The following ARHGAP19 variants were observed in gnomAD, a reference collection of about 807,000 sequenced individuals.
ARHGAP19 encodes the protein rho GTPase-activating protein 19.
ARHGAP19 carries 48 observed loss-of-function variants against 60.9 expected under a neutral mutation model. That is an observed-to-expected ratio of 0.79 (90% CI 0.62 to 1.00). ARHGAP19 has a LOEUF of 1.00. Ranked by LOEUF, ARHGAP19 falls within the 50% of genes least tolerant of loss-of-function variation. The probability of loss-of-function intolerance (pLI) is 0.00; values close to 1 mark genes in which losing one functional copy is unlikely to be tolerated. For missense variants in ARHGAP19, 562 were observed against 597.2 expected (o/e 0.94, Z 0.61); for synonymous variants, 209 against 215.5 (o/e 0.97, Z 0.27).
Position 97,264,707 on chromosome 10 carries a change from C to T in ARHGAP19, c.403+119G>A, listed in dbSNP as rs1442269486. On this transcript the variant is annotated intron_variant, in intron 3 of 11. Coordinates refer to ENST00000358531, the MANE Select transcript of ARHGAP19 (RefSeq NM_032900.6). ...TTAAAAACATGCCACCCAAAATTAACACTGGTTAGTTCCTTTGTTGATGGT... is the reference window on the plus strand; with the variant it reads ...TTAAAAACATGCCACCCAAAATTAATACTGGTTAGTTCCTTTGTTGATGGT... The T allele has an allele frequency of 9.4e-6, 6 of 640,354 alleles. 1 individual carries two copies. The East Asian group carries it at 1.7e-4, about 18-fold the overall frequency. The allele number at this position is 640,354 out of a possible 1,614,324, so 39.7% of individuals were successfully genotyped here. A position where few individuals can be genotyped will look rare whatever the true frequency, so the allele number is the denominator to read the frequency against.
At chr10:97,284,115 AT>A (rs926549918) in intron 1 of ARHGAP19, among the ~76,000 whole-genome samples, 1 of 151,172 alleles carries the variant, frequency 6.6e-6, no homozygotes, top group African/African-American at 2.4e-5. Flanking sequence ...TCTTATTTTT[AT>A]TTGTATTTTT....
chr10:97,252,410 C>T (rs1842696426), intron 6 of ARHGAP19, among the ~76,000 whole-genome samples: 1 of 151,258 alleles, frequency 6.6e-6, no homozygotes, highest in African/African-American at 2.4e-5. Context: ...ATCATGAGGT[C>T]AGGAGATCGA....
At chr10:97,257,395 C>A (rs551277203) in intron 5 of ARHGAP19, among the ~76,000 whole-genome samples, 3 of 150,376 alleles carry the variant, frequency 2.0e-5, no homozygotes, top group Non-Finnish European at 4.4e-5. Flanking sequence ...TCAAGCGATC[C>A]TCCCACCTCA....
chr10:97,290,038 C>CA (rs879609753), intron 1 of ARHGAP19, among the ~76,000 whole-genome samples: 350 of 140,620 alleles, frequency 2.5e-3, no homozygotes, highest in Non-Finnish European at 3.7e-3. Flanking sequence ...AGTTCCCGGG[C>CA]AAAAAAAAAA....
Position 97,238,644 on chromosome 10 carries a change from G to A in ARHGAP19, c.1186-3329C>T, listed in dbSNP as rs567915769. Reference sequence around the variant, plus strand: ...TTGTACAGATGCATAGTGTTTTTGTGTTTTAAGCTAAGTGTTATTACAAGA... The same window carrying A: ...TTGTACAGATGCATAGTGTTTTTGTATTTTAAGCTAAGTGTTATTACAAGA... On this transcript the variant is annotated intron_variant, in intron 8 of 11. Transcript: ENST00000358531. Among the ~76,000 whole-genome samples the A allele has an allele frequency of 3.9e-5, 6 of 152,280 alleles. No homozygotes were observed. In the South Asian group the frequency reaches 6.2e-4, roughly 16 times the overall value.
intron 1 of ARHGAP19, among the ~76,000 whole-genome samples, chr10:97,267,062 G>A (rs1324513599): frequency 6.6e-6 from 1 of 152,146 alleles, no homozygotes; most frequent in African/African-American, 2.4e-5. Context: ...AGTCTCATCA[G>A]GGACAAGGCA....
chr10:97,270,677 T>C (rs1251205621), intron 1 of ARHGAP19: 14 of 1,544,450 alleles, frequency 9.1e-6, no homozygotes, highest in African/African-American at 8.3e-5. Flanking sequence ...CCCTTGTTTG[T>C]TGTGACAAAG....
intron 11 of ARHGAP19, among the ~76,000 whole-genome samples, chr10:97,226,622 G>A (rs939641940): frequency 2.6e-5 from 4 of 152,144 alleles, no homozygotes; most frequent in Non-Finnish European, 2.9e-5. Flanking sequence ...GTCATTTTTC[G>A]GAAGATGAGA....
chr10:97,281,417 G>C (rs1387064315), intron 1 of ARHGAP19, among the ~76,000 whole-genome samples: 1 of 151,880 alleles, frequency 6.6e-6, no homozygotes, highest in Non-Finnish European at 1.5e-5. Context: ...AAAGAAAAGA[G>C]TTTCTATACT....
In ARHGAP19 at chr10:97,247,536, T is replaced by A. The variant is rs528433104; in HGVS notation, c.928-1199A>T. ...ACTTCAGAAATGCAAAACACACTCG[T>A]ATAAGATTAATCAAAAAATTGGATA... On this transcript the variant is annotated intron_variant, in intron 6 of 11. Transcript: ENST00000358531. 5.9e-5 allele frequency among the ~76,000 whole-genome samples: 9 copies of A among 152,246 alleles called. No individual in the cohort carries two copies. The South Asian group carries it at 1.9e-3, about 32-fold the overall frequency.
In ARHGAP19 at chr10:97,224,613, A is replaced by C. The variant is rs976128166; in HGVS notation, c.*1509T>G. The C allele has an allele frequency of 3.3e-5, 5 of 152,236 alleles. No homozygotes were observed. Among genetic ancestry groups the C allele is most frequent in the African/African-American group, 4.8e-5 (2 of 41,460 alleles). 9.4% of individuals were successfully genotyped at this position (152,236 alleles called of 1,614,324 possible). On this transcript the variant is annotated 3_prime_UTR_variant, in exon 12 of 12. Transcript: ENST00000358531. ...CTCCCCCAGAGTCATCTTTCATTTCAGCAATGGTGCAGCATATTCAACAGT... is the reference window on the plus strand; with the variant it reads ...CTCCCCCAGAGTCATCTTTCATTTCCGCAATGGTGCAGCATATTCAACAGT...
At chr10:97,278,128 G>A (rs1033871700) in intron 1 of ARHGAP19, 6 of 153,264 alleles carry the variant, frequency 3.9e-5, no homozygotes, top group African/African-American at 1.4e-4. Flanking sequence ...ATAAGGACTG[G>A]AGATTCATTC....
At chr10:97,244,265 A>C in intron 7 of ARHGAP19, 106 bp from the exon 8 acceptor site, 1 of 786,910 alleles carries the variant, frequency 1.3e-6, no homozygotes, top group East Asian at 2.6e-5. Context: ...GACATGGTAT[A>C]CTCCTATACT....
chr10:97,263,736 A>C, intron 3 of ARHGAP19, 107 bp from the exon 4 acceptor site: 1 of 1,152,418 alleles, frequency 8.7e-7, no homozygotes, highest in Non-Finnish European at 1.2e-6. Flanking sequence ...CCCTTCACAA[A>C]GCCTTTCAAG....
At chr10:97,260,514 A>C (rs1842817204) in intron 4 of ARHGAP19, among the ~76,000 whole-genome samples, 1 of 151,846 alleles carries the variant, frequency 6.6e-6, no homozygotes, top group Admixed American at 6.6e-5. Context: ...TGGGCGACAG[A>C]GCAAGACTCC....
intron 2 of ARHGAP19, 102 bp downstream of exon 2, chr10:97,265,758 T>G: frequency 6.8e-7 from 1 of 1,472,590 alleles, no homozygotes; most frequent in Non-Finnish European, 9.1e-7. Flanking sequence ...GGCCAAAAAA[T>G]GCTTTAAGTT....
rs920472053 is a variant in ARHGAP19 at position 97,270,740 on chromosome 10, G to C, written c.57-4615C>G. On this transcript the variant is annotated intron_variant, in intron 1 of 11. Coordinates refer to ENST00000358531, the MANE Select transcript of ARHGAP19 (RefSeq NM_032900.6). ...GCCTACGCAAATTCCAGACATGTTA[G>C]AGGATACAAGGGCACATTATGGGGC... 5 of 1,445,770 alleles carry C rather than the reference G, an allele frequency of 3.5e-6. No individual in the cohort carries two copies. The African/African-American group carries it at 5.7e-5, about 17-fold the overall frequency. 89.6% of individuals were successfully genotyped at this position (1,445,770 alleles called of 1,614,324 possible). A position where few individuals can be genotyped will look rare whatever the true frequency, so the allele number is the denominator to read the frequency against.
intron 7 of ARHGAP19, among the ~76,000 whole-genome samples, chr10:97,244,991 G>T (rs1004201719): frequency 6.6e-6 from 1 of 151,182 alleles, no homozygotes; most frequent in Non-Finnish European, 1.5e-5. Context: ...GGCACATAAA[G>T]GTCAAGTGCC....
At chr10:97,239,553 TGTGTGTGTGTG>T (rs1564713528) in intron 8 of ARHGAP19, among the ~76,000 whole-genome samples, 387 of 10,304 alleles carry the variant, frequency 0.038, 4 homozygotes, top group African/African-American at 0.049. Context: ...AGAGAGAGGG[TGTGTGTGTGTG>T]TGTGTGTGTG....
Sources: gnomAD v4.1 joint callset for allele counts (sites outside exome capture counted in the v4.1 genomes callset) on GRCh38, gnomAD v4.1.1 for gene constraint, MANE v1.5 for transcripts, NCBI Gene and HGNC (gene_info 2026-07-23, HGNC 2026-07-21) for gene names.